MYO9A: variants seen among roughly 807,000 people sequenced by gnomAD.
MYO9A encodes unconventional myosin-IXa.
In MYO9A, 103 loss-of-function variants were observed where a neutral mutation model predicts 293.3. That is an observed-to-expected ratio of 0.35 (90% CI 0.30 to 0.41). The LOEUF (loss-of-function observed/expected upper bound fraction) is 0.41, where lower values mean the gene tolerates loss of function less well. Ranked by LOEUF, MYO9A falls within the 10% of genes least tolerant of loss-of-function variation. MYO9A has a pLI of 1.00. For synonymous variants in MYO9A, 1,001 were observed against 1,035.7 expected (o/e 0.97, Z 0.64); for missense variants, 2,685 against 3,033.0 (o/e 0.89, Z 2.69).
intron 1 of MYO9A, among the ~76,000 whole-genome samples, chr15:72,116,341 C>A (rs2080977147): frequency 6.6e-6 from 1 of 152,094 alleles, no homozygotes; most frequent in Admixed American, 6.5e-5. Context: ...CATCTTTATA[C>A]CAATATTAAA....
At chr15:71,934,674 C>T (rs1315585725) in intron 17 of MYO9A, among the ~76,000 whole-genome samples, 1 of 150,642 alleles carries the variant, frequency 6.6e-6, no homozygotes, top group Non-Finnish European at 1.5e-5. Context: ...GATCATGACT[C>T]ATTGCAGCCT....
intron 14 of MYO9A, among the ~76,000 whole-genome samples, chr15:71,956,717 T>C (rs1465736537): frequency 1.3e-5 from 2 of 149,816 alleles, no homozygotes; most frequent in African/African-American, 4.9e-5. Flanking sequence ...GTGTGTAGCA[T>C]ATGCATTAGC....
intron 1 of MYO9A, among the ~76,000 whole-genome samples, chr15:72,104,208 T>C (rs2080489166): frequency 2.0e-5 from 3 of 152,194 alleles, no homozygotes; most frequent in Non-Finnish European, 2.9e-5. Context: ...CTCAATAGTA[T>C]ATACTGTGTT....
At chr15:71,991,383 A>C (rs1256491351) in intron 10 of MYO9A, 146 bp from the exon 11 acceptor site, 4 of 514,442 alleles carry the variant, frequency 7.8e-6, no homozygotes, top group Non-Finnish European at 1.3e-5. Context: ...ACATATCATG[A>C]CTTAAAAGTA....
intron 39 of MYO9A, among the ~76,000 whole-genome samples, chr15:71,837,962 G>T (rs938800945): frequency 4.6e-5 from 7 of 151,936 alleles, no homozygotes; most frequent in Non-Finnish European, 8.8e-5. Flanking sequence ...TTTTCAAACT[G>T]GAATTTTTTC....
intron 1 of MYO9A, among the ~76,000 whole-genome samples, chr15:72,093,048 A>C (rs2079965755): frequency 6.6e-6 from 1 of 152,206 alleles, no homozygotes; most frequent in African/African-American, 2.4e-5. Context: ...TGTCCCAGGA[A>C]AAATTAACAA....
At chr15:71,943,335 G>A (rs1193156419) in intron 15 of MYO9A, among the ~76,000 whole-genome samples, 5 of 152,008 alleles carry the variant, frequency 3.3e-5, no homozygotes, top group Non-Finnish European at 7.4e-5. Context: ...GAGCAGTAGA[G>A]CTCCCCGCTT....
Position 71,826,619 on chromosome 15 carries a change from T to C in MYO9A, c.7608A>G (p.Gln2536=), listed in dbSNP as rs1206411277. Residue 2536 remains glutamine (Q), a synonymous_variant, in exon 42 of 42, where the codon CAA becomes CAG. Transcript: ENST00000356056. The part of the protein sequence containing the change: ...KTVDPDCTSN[Q]QLALFGNNEF... ...CATTATTTCCAAAGAGTGCTAGCTG[T>C]TGGTTGGAGGTGCAGTCTGGGTCCA... The C allele has an allele frequency of 1.2e-6, 2 of 1,608,714 alleles. No individual in the cohort carries two copies. Among genetic ancestry groups the C allele is most frequent in the Non-Finnish European group, 1.7e-6 (2 of 1,178,682 alleles).
intron 12 of MYO9A, among the ~76,000 whole-genome samples, chr15:71,977,545 T>A (rs1321945195): frequency 6.6e-6 from 1 of 151,904 alleles, no homozygotes; most frequent in African/African-American, 2.4e-5. Flanking sequence ...CCTATCACGA[T>A]ATTCTTTTCT....
At chr15:72,004,190 A>C (rs932837232) in intron 8 of MYO9A, among the ~76,000 whole-genome samples, 2 of 152,250 alleles carry the variant, frequency 1.3e-5, no homozygotes, top group African/African-American at 4.8e-5. Context: ...ATACAGAACA[A>C]GTAGCAATGG....
At chr15:71,887,879 T>C (rs1202774949) in intron 27 of MYO9A, 125 bp downstream of exon 27, 4 of 501,710 alleles carry the variant, frequency 8.0e-6, no homozygotes, top group African/African-American at 6.0e-5. Flanking sequence ...GAAAAATTGG[T>C]AAATAAGTTT....
At chr15:72,021,539 T>C (rs1219044990) in intron 4 of MYO9A, among the ~76,000 whole-genome samples, 1 of 152,148 alleles carries the variant, frequency 6.6e-6, no homozygotes, top group Non-Finnish European at 1.5e-5. Flanking sequence ...AGAAATATCA[T>C]TATTTGAACT....
intron 25 of MYO9A, 34 bp from the exon 26 acceptor site, chr15:71,893,812 C>T: frequency 6.5e-7 from 1 of 1,549,010 alleles, no homozygotes; most frequent in South Asian, 1.1e-5. Context: ...CATTTCAGTT[C>T]TTAGCAGATA....
chr15:71,848,352 A>T (rs996549125), intron 39 of MYO9A, among the ~76,000 whole-genome samples: 1 of 152,042 alleles, frequency 6.6e-6, no homozygotes, highest in Admixed American at 6.5e-5. Flanking sequence ...CCTAAACTCA[A>T]AGAAATACTT....
intron 26 of MYO9A, chr15:71,890,979 T>A (rs1225574007): frequency 2.6e-5 from 4 of 152,188 alleles, no homozygotes; most frequent in Non-Finnish European, 5.9e-5. Context: ...TACATCTTCA[T>A]CTTCACAATA....
In MYO9A at chr15:72,046,253, C is replaced by T. The variant is rs145773022; in HGVS notation, c.311G>A (p.Arg104His). The change falls in exon 2 of 42, where the codon CGC (arginine) becomes CAC (histidine). Residue 104 changes from arginine to histidine, a missense_variant. Physicochemically the swap from Arg to His is conservative, Grantham distance 29 (BLOSUM62 0). Around this residue, in one of 10 missense-constraint regions of MYO9A, gnomAD observed 63 missense variants for 57.9 expected, o/e 1.09. Transcript: ENST00000356056. Reference protein sequence around the residue: ...LENRLSGEDYRFLLREKNLDG... With the variant: ...LENRLSGEDYHFLLREKNLDG... Reference sequence around the variant, plus strand: ...AAGGTTTTTCTCTCTCAGAAGGAAGCGGTAGTCCTCTCCACTTAAGCGATT... The same window carrying T: ...AAGGTTTTTCTCTCTCAGAAGGAAGTGGTAGTCCTCTCCACTTAAGCGATT... 34 of 1,613,938 alleles carry T rather than the reference C, an allele frequency of 2.1e-5. No homozygotes were observed. In the African/African-American group the frequency reaches 2.8e-4, roughly 13 times the overall value.
intron 18 of MYO9A, among the ~76,000 whole-genome samples, chr15:71,929,073 T>TAAA (rs71133934): frequency 7.2e-6 from 1 of 139,660 alleles, no homozygotes; most frequent in African/African-American, 2.7e-5. Context: ...CTGTCTCTAT[T>TAAA]AAAAAAAAAA....
intron 1 of MYO9A, among the ~76,000 whole-genome samples, chr15:72,090,589 G>A (rs1381896426): frequency 6.6e-6 from 1 of 152,050 alleles, no homozygotes; most frequent in African/African-American, 2.4e-5. Flanking sequence ...AAGCCTAGGG[G>A]ACTCTCATAT....
chr15:72,117,879 T>G lies in MYO9A; in HGVS notation c.-271A>C, dbSNP rs1165454913. ...GCATCCCCCGCCCTGTCAGAGAGAC[T>G]CCGCCCGGCCTGAGCAGGCACATCC... On this transcript the variant is annotated 5_prime_UTR_variant, in exon 1 of 42. Transcript: ENST00000356056. The G allele has an allele frequency of 1.0e-5, 4 of 397,892 alleles. No individual in the cohort carries two copies. The allele number at this position is 397,892 out of a possible 1,614,324, so 24.6% of individuals were successfully genotyped here. A position where few individuals can be genotyped will look rare whatever the true frequency, so the allele number is the denominator to read the frequency against.
Sources: allele counts gnomAD v4.1 joint callset (sites outside exome capture counted in the v4.1 genomes callset), GRCh38; gene constraint gnomAD v4.1.1; regional missense constraint gnomAD v4.1.1; transcripts MANE v1.5; gene names NCBI Gene and HGNC (gene_info 2026-07-23, HGNC 2026-07-21).